Variants in AGBL1 observed in about 807,000 individuals in gnomAD.
The protein encoded by AGBL1 is AGBL carboxypeptidase 1, also known as cytosolic carboxypeptidase 4.
AGBL1 carries 130 observed loss-of-function variants against 118.9 expected under a neutral mutation model. That is an observed-to-expected ratio of 1.09 (90% CI 0.95 to 1.26). The LOEUF is 1.26. Ranked by LOEUF, AGBL1 falls within the 50% of genes most tolerant of loss-of-function variation. The pLI is 0.00. For synonymous variants in AGBL1, 555 were observed against 478.9 expected, an observed-to-expected ratio of 1.16 and a Z score of -2.08; for missense variants, 1,584 against 1,298.1, an observed-to-expected ratio of 1.22 and a Z score of -3.38.
intron 21 of AGBL1, among the ~76,000 whole-genome samples, chr15:86,620,931 G>T (rs1299178750): frequency 6.6e-6 from 1 of 151,308 alleles, no homozygotes; most frequent in Non-Finnish European, 1.5e-5. Context: ...CAAAGGGAGG[G>T]GCTGCTCTTT....
In AGBL1 at chr15:86,937,025, A is replaced by G. The variant is rs142257597; in HGVS notation, c.3222-50962A>G. ...ACAGCCACCTTTCAAAAGAAGACAT[A>G]CATGCAGCCAACAAGCATATGAAGA... On this transcript the variant is annotated intron_variant, in intron 23 of 24. Coordinates refer to the AGBL1 transcript ENST00000441037. 3.2e-4 allele frequency among the ~76,000 whole-genome samples: 49 copies of G among 152,360 alleles called. 1 individual carries two copies. In the East Asian group the frequency reaches 9.4e-3, roughly 29 times the overall value.
chr15:86,737,156 G>T (rs941384355), intron 22 of AGBL1, among the ~76,000 whole-genome samples: 4 of 152,180 alleles, frequency 2.6e-5, no homozygotes, highest in African/African-American at 9.7e-5. Flanking sequence ...GGTGCTGAAT[G>T]GTGCAGGAAT....
At chr15:86,533,587 T>A (rs1481893054) in intron 19 of AGBL1, among the ~76,000 whole-genome samples, 1 of 139,264 alleles carries the variant, frequency 7.2e-6, no homozygotes, top group African/African-American at 2.9e-5. Context: ...AGAAATACCA[T>A]TGGACCCAGC....
At chr15:86,587,387 G>A (rs12441732) in intron 21 of AGBL1, among the ~76,000 whole-genome samples, 1 of 151,936 alleles carries the variant, frequency 6.6e-6, no homozygotes, top group African/African-American at 2.4e-5. Flanking sequence ...GATGGAATCC[G>A]AGCTCACCTG....
At chr15:86,974,359 T>A (rs1306443209) in intron 23 of AGBL1, among the ~76,000 whole-genome samples, 1 of 104,020 alleles carries the variant, frequency 9.6e-6, no homozygotes, top group Non-Finnish European at 1.8e-5. Flanking sequence ...ATATAAACAT[T>A]TTAATATATT....
intron 3 of AGBL1, among the ~76,000 whole-genome samples, chr15:86,145,776 G>T (rs868279857): frequency 1.1e-4 from 16 of 152,342 alleles, no homozygotes; most frequent in Middle Eastern, 3.4e-3. Context: ...ACACCATGAT[G>T]ACCAAGGCAG....
rs1567173039 is a variant in AGBL1, at chr15:86,785,367, T to TG, written c.3158+110931_3158+110932insG. Reference sequence around the variant, plus strand: ...CACAGAGATCTGCGGGTTCTTTTTTTTTTTTTTTTTTGTTTTTGTTTTTTT... The same window carrying TG: ...CACAGAGATCTGCGGGTTCTTTTTTTGTTTTTTTTTTTGTTTTTGTTTTTTT... On this transcript the variant is annotated intron_variant, in intron 22 of 22. Coordinates refer to ENST00000614907, the MANE Select transcript of AGBL1 (RefSeq NM_001386094.1). Among the ~76,000 whole-genome samples, 293 of 138,924 alleles carry TG rather than the reference T, an allele frequency of 2.1e-3. 3 individuals carry two copies. Among genetic ancestry groups the TG allele is most frequent in the African/African-American group, 7.6e-3 (282 of 37,050 alleles). The allele number at this position is 138,924 out of a possible 152,430, so 91.1% of individuals were successfully genotyped here. A position where few individuals can be genotyped will look rare whatever the true frequency, so the allele number is the denominator to read the frequency against.
rs1378905916 is a variant in AGBL1, at chr15:86,907,709, A to T, written c.*415A>T. 1.3e-5 allele frequency: 2 copies of T among 152,200 alleles called. No individual in the cohort carries two copies. The highest frequency in any genetic ancestry group is 4.8e-5 in the African/African-American group (2 of 41,444). The allele number at this position is 152,200 out of a possible 1,614,324, so 9.4% of individuals were successfully genotyped here. ...AGTGGTTATTTAAGTTGTTCCATAT[A>T]CAAGTGTTATCTTCCAATGTTATCT... On this transcript the variant is annotated 3_prime_UTR_variant, in exon 23 of 23. Coordinates refer to ENST00000614907, the MANE Select transcript of AGBL1 (RefSeq NM_001386094.1).
chr15:86,905,477 A>G (rs1217169504), intron 22 of AGBL1, among the ~76,000 whole-genome samples: 2 of 152,224 alleles, frequency 1.3e-5, no homozygotes, highest in Non-Finnish European at 1.5e-5. Context: ...CCAGGTGTGA[A>G]GCAACAAATC....
chr15:86,830,026 T>C (rs2141412801), intron 22 of AGBL1, among the ~76,000 whole-genome samples: 1 of 152,256 alleles, frequency 6.6e-6, no homozygotes, highest in Admixed American at 6.5e-5. Context: ...ACCGTAAAAC[T>C]TACCACCAGG....
At chr15:86,646,646 C>CG (rs2142482986) in intron 21 of AGBL1, among the ~76,000 whole-genome samples, 1 of 152,124 alleles carries the variant, frequency 6.6e-6, no homozygotes, top group South Asian at 2.1e-4. Context: ...CTATAAATAA[C>CG]TTTTTTCCCA....
chr15:86,125,566 T>A (rs1008882674), intron 1 of AGBL1, among the ~76,000 whole-genome samples: 2 of 152,216 alleles, frequency 1.3e-5, no homozygotes, highest in African/African-American at 4.8e-5. Flanking sequence ...GATTAATGGA[T>A]ATATAGAAGG....
chr15:86,234,479 A>G (rs1387462636), intron 6 of AGBL1, among the ~76,000 whole-genome samples: 1 of 142,470 alleles, frequency 7.0e-6, no homozygotes, highest in East Asian at 2.2e-4. Flanking sequence ...TGAACTCTGG[A>G]GGCGGAGGTT....
At chr15:86,195,841 A>AT (rs1165096687) in intron 5 of AGBL1, among the ~76,000 whole-genome samples, 2 of 152,032 alleles carry the variant, frequency 1.3e-5, no homozygotes, top group Admixed American at 1.3e-4. Flanking sequence ...TTTTTTATTT[A>AT]TTTTTTTGTT....
chr15:86,473,126 G>C (rs1567011642), intron 18 of AGBL1, among the ~76,000 whole-genome samples: 1 of 151,984 alleles, frequency 6.6e-6, no homozygotes, highest in Non-Finnish European at 1.5e-5. Flanking sequence ...AGAGAATACT[G>C]TTCTCTAATT....
chr15:86,725,160 A>G (rs1357333269), intron 22 of AGBL1, among the ~76,000 whole-genome samples: 1 of 152,246 alleles, frequency 6.6e-6, no homozygotes, highest in African/African-American at 2.4e-5. Flanking sequence ...AATAGCTATT[A>G]TTACATTTCT....
At chr15:86,509,046 G>C (rs907166388) in intron 18 of AGBL1, among the ~76,000 whole-genome samples, 1 of 152,104 alleles carries the variant, frequency 6.6e-6, no homozygotes, top group Non-Finnish European at 1.5e-5. Flanking sequence ...CTGATACTGA[G>C]AGTCTAAAAT....
chr15:86,630,445 G>C (rs1357860752), intron 21 of AGBL1: 1 of 152,246 alleles, frequency 6.6e-6, no homozygotes, highest in African/African-American at 2.4e-5. Flanking sequence ...CCACACTTAC[G>C]GGAGGGCAAT....
intron 22 of AGBL1, among the ~76,000 whole-genome samples, chr15:86,882,521 C>G (rs28373886): frequency 6.6e-6 from 1 of 151,932 alleles, no homozygotes; most frequent in Non-Finnish European, 1.5e-5. Flanking sequence ...AATCACTCAC[C>G]TTTTTAAGCT....
Sources: allele counts gnomAD v4.1 joint callset (sites outside exome capture counted in the v4.1 genomes callset), GRCh38; gene constraint gnomAD v4.1.1; transcripts MANE v1.5; gene names NCBI Gene and HGNC (gene_info 2026-07-23, HGNC 2026-07-21).